Variants in FBXL20 observed in about 807,000 individuals in gnomAD.
FBXL20 encodes the protein F-box/LRR-repeat protein 20.
A neutral mutation model predicts 64.0 loss-of-function variants in FBXL20; 11 were observed. The ratio of observed to expected loss-of-function variants is 0.17; its 90% confidence interval spans 0.11 to 0.28. The LOEUF is 0.28. Ranked by LOEUF, FBXL20 falls within the 10% of genes least tolerant of loss-of-function variation. The pLI, the probability that FBXL20 is intolerant of heterozygous loss-of-function variation, is 1.00. For synonymous variants in FBXL20, 184 were observed against 189.0 expected (o/e 0.97, Z 0.22); for missense variants, 303 against 526.2 (o/e 0.58, Z 4.15).
At chr17:39,373,283 G>C (rs1195896997) in intron 1 of FBXL20, among the ~76,000 whole-genome samples, 1 of 152,044 alleles carries the variant, frequency 6.6e-6, no homozygotes, top group Non-Finnish European at 1.5e-5. Context: ...TATTTGACTG[G>C]CAAATCATGG....
At chr17:39,297,770 C>G (rs913416089) in intron 5 of FBXL20, among the ~76,000 whole-genome samples, 3 of 152,166 alleles carry the variant, frequency 2.0e-5, no homozygotes, top group Non-Finnish European at 4.4e-5. Flanking sequence ...GAATCTCTCT[C>G]TGTCACCCAG....
intron 5 of FBXL20, 113 bp from the exon 6 acceptor site, chr17:39,297,308 C>T (rs1439131925): frequency 3.5e-6 from 2 of 569,408 alleles, no homozygotes; most frequent in African/African-American, 3.8e-5. Flanking sequence ...ATCTGTGATA[C>T]TGTGATATAA....
intron 11 of FBXL20, among the ~76,000 whole-genome samples, chr17:39,269,078 T>C (rs1434437943): frequency 6.6e-6 from 1 of 152,150 alleles, no homozygotes; most frequent in Non-Finnish European, 1.5e-5. Flanking sequence ...GGTGAAATCA[T>C]GGCTCACTGC....
intron 12 of FBXL20, 55 bp downstream of exon 12, chr17:39,268,772 G>A (rs1281539305): frequency 2.8e-6 from 4 of 1,452,192 alleles, no homozygotes; most frequent in Admixed American, 1.7e-5. Flanking sequence ...CTGATGTTGT[G>A]TATTATCTAA....
At chr17:39,334,441 C>G (rs1052191878) in intron 2 of FBXL20, among the ~76,000 whole-genome samples, 36 of 151,470 alleles carry the variant, frequency 2.4e-4, no homozygotes, top group African/African-American at 8.5e-4. Flanking sequence ...ATCCCCCTCT[C>G]CGAGAAACAC....
chr17:39,401,208 T>C (rs1036011412), intron 1 of FBXL20, among the ~76,000 whole-genome samples, 153 bp downstream of exon 1: 8 of 152,094 alleles, frequency 5.3e-5, no homozygotes, highest in East Asian at 1.9e-4. Context: ...GCTGGGCTTC[T>C]GGGTCGCAAG....
intron 1 of FBXL20, among the ~76,000 whole-genome samples, chr17:39,353,598 C>A (rs1428262834): frequency 1.7e-5 from 2 of 115,720 alleles, no homozygotes; most frequent in South Asian, 3.2e-4. Context: ...GACCACTACA[C>A]CTTATTTATT....
intron 1 of FBXL20, among the ~76,000 whole-genome samples, chr17:39,356,362 CTGTTT>C (rs550258381): frequency 3.3e-3 from 501 of 152,018 alleles, no homozygotes; most frequent in Non-Finnish European, 5.0e-3. Context: ...TCACCACCAT[CTGTTT>C]TGTTTTGAGA....
chr17:39,393,144 C>G (rs1302710734), intron 1 of FBXL20, among the ~76,000 whole-genome samples: 1 of 151,832 alleles, frequency 6.6e-6, no homozygotes, highest in Non-Finnish European at 1.5e-5. Flanking sequence ...AAAAAATTAG[C>G]CAGGTGTGGT....
intron 2 of FBXL20, among the ~76,000 whole-genome samples, chr17:39,312,182 C>T (rs982331637): frequency 2.0e-5 from 3 of 151,928 alleles, no homozygotes; most frequent in East Asian, 1.9e-4. Context: ...TTTAGGAGGC[C>T]GAGGCAGGCG....
chr17:39,278,282 A>C (rs1029626888), intron 9 of FBXL20, among the ~76,000 whole-genome samples: 1 of 152,046 alleles, frequency 6.6e-6, no homozygotes, highest in African/African-American at 2.4e-5. Context: ...AGTAGCTGGG[A>C]TTACAGGCAC....
chr17:39,312,139 G>A (rs574181840), intron 2 of FBXL20, among the ~76,000 whole-genome samples: 64 of 152,192 alleles, frequency 4.2e-4, no homozygotes, highest in South Asian at 1.5e-3. Context: ...AGAACTGGCC[G>A]GGCATGGTGG....
chr17:39,310,028 C>T (rs903638351), intron 2 of FBXL20, among the ~76,000 whole-genome samples: 2 of 151,178 alleles, frequency 1.3e-5, no homozygotes, highest in African/African-American at 4.9e-5. Context: ...TGGCGTGTGC[C>T]TGTAGCCTCA....
intron 12 of FBXL20, among the ~76,000 whole-genome samples, 168 bp from the exon 13 acceptor site, chr17:39,265,621 C>T (rs1762857274): frequency 6.6e-6 from 1 of 152,054 alleles, no homozygotes; most frequent in African/African-American, 2.4e-5. Flanking sequence ...ATCTTCCCAC[C>T]TCAGCCCCCT....
At chr17:39,378,890 C>T (rs2144650510) in intron 1 of FBXL20, among the ~76,000 whole-genome samples, 1 of 149,740 alleles carries the variant, frequency 6.7e-6, no homozygotes, top group South Asian at 2.2e-4. Flanking sequence ...GGATTACAGG[C>T]GTGAGCCACC....
chr17:39,289,749 C>T (rs1317259344), intron 6 of FBXL20, among the ~76,000 whole-genome samples: 1 of 151,774 alleles, frequency 6.6e-6, no homozygotes, highest in Non-Finnish European at 1.5e-5. Context: ...AATCCCAGCA[C>T]TTTGGGAGGC....
chr17:39,272,889 C>A (rs2046859028), intron 10 of FBXL20, among the ~76,000 whole-genome samples: 1 of 152,088 alleles, frequency 6.6e-6, no homozygotes, highest in African/African-American at 2.4e-5. Context: ...CCTCTCTCTA[C>A]AGTCGAAAAG....
intron 1 of FBXL20, among the ~76,000 whole-genome samples, chr17:39,350,226 C>G (rs191050507): frequency 9.0e-4 from 137 of 152,328 alleles, no homozygotes; most frequent in African/African-American, 3.1e-3. Flanking sequence ...GCACCAGGCA[C>G]AGTAGCTCAT....
chr17:39,266,776 T>C (rs1415944755), intron 12 of FBXL20, among the ~76,000 whole-genome samples: 1 of 152,248 alleles, frequency 6.6e-6, no homozygotes, highest in Non-Finnish European at 1.5e-5. Context: ...TCAGGCTACA[T>C]TTGAACACAT....
Sources: allele counts gnomAD v4.1 joint callset (sites outside exome capture counted in the v4.1 genomes callset), GRCh38; gene constraint gnomAD v4.1.1; transcripts MANE v1.5; gene names NCBI Gene and HGNC (gene_info 2026-07-23, HGNC 2026-07-21).